CTNNA3: variants seen among roughly 807,000 people sequenced by gnomAD.
The protein encoded by CTNNA3 is catenin alpha 3.
In CTNNA3, 76 loss-of-function variants were observed where a neutral mutation model predicts 95.7. That is an observed-to-expected ratio of 0.79 (90% CI 0.66 to 0.96). CTNNA3 has a LOEUF of 0.96. Ranked by LOEUF, CTNNA3 falls within the 40% of genes least tolerant of loss-of-function variation. CTNNA3 has a pLI of 0.00. For missense variants in CTNNA3, 1,191 were observed against 1,089.8 expected, an observed-to-expected ratio of 1.09 and a Z score of -1.31; for synonymous variants, 431 against 374.4, an observed-to-expected ratio of 1.15 and a Z score of -1.74.
chr10:66,771,287 AAT>A (rs1368409020), intron 8 of CTNNA3, among the ~76,000 whole-genome samples: 8 of 152,204 alleles, frequency 5.3e-5, no homozygotes, highest in Non-Finnish European at 1.0e-4. Context: ...AGTGAAATCA[AAT>A]ATATTTTAGT....
chr10:66,035,397 CA>C (rs2079539287), intron 15 of CTNNA3, among the ~76,000 whole-genome samples: 1 of 151,838 alleles, frequency 6.6e-6, no homozygotes, highest in African/African-American at 2.4e-5. Context: ...AATAACTAAA[CA>C]AAAGTTAACA....
At chr10:66,981,008 G>T (rs1374639941) in intron 7 of CTNNA3, among the ~76,000 whole-genome samples, 6 of 152,128 alleles carry the variant, frequency 3.9e-5, no homozygotes, top group Non-Finnish European at 8.8e-5. Flanking sequence ...CCGGGTTCAA[G>T]TGATTCTCTT....
chr10:67,582,947 G>A (rs978931206), intron 3 of CTNNA3, among the ~76,000 whole-genome samples: 2 of 152,032 alleles, frequency 1.3e-5, no homozygotes, highest in African/African-American at 4.8e-5. Context: ...TTGAGCCTAT[G>A]TGTGTCTCTG....
In CTNNA3 at chr10:67,291,104, T is replaced by C. The variant is rs186975104; in HGVS notation, c.580-71234A>G. Among the ~76,000 whole-genome samples the C allele has an allele frequency of 1.2e-3, 188 of 152,248 alleles. 1 individual carries two copies. The highest frequency in any genetic ancestry group is 0.01 in the Middle Eastern group (3 of 294). Reference sequence around the variant, plus strand: ...TGGCTGTTTTTGGCTATATAATAAATTGATCCCTCCAAGTCTCAGTCTCCC... The same window carrying C: ...TGGCTGTTTTTGGCTATATAATAAACTGATCCCTCCAAGTCTCAGTCTCCC... On this transcript the variant is annotated intron_variant, in intron 5 of 17. Transcript: ENST00000433211.
At chr10:67,068,938 T>A (rs1856264260) in intron 7 of CTNNA3, among the ~76,000 whole-genome samples, 1 of 152,074 alleles carries the variant, frequency 6.6e-6, no homozygotes, top group Admixed American at 6.6e-5. Context: ...CAGGTACCTG[T>A]AATCCCAGCT....
chr10:66,347,968 G>A (rs1408698420), intron 12 of CTNNA3, among the ~76,000 whole-genome samples: 1 of 152,020 alleles, frequency 6.6e-6, no homozygotes, highest in Non-Finnish European at 1.5e-5. Flanking sequence ...ACAAACAGGA[G>A]GCAATGATAT....
At chr10:67,193,163 A>G (rs2132180994) in intron 6 of CTNNA3, among the ~76,000 whole-genome samples, 1 of 152,096 alleles carries the variant, frequency 6.6e-6, no homozygotes, top group Middle Eastern at 3.4e-3. Context: ...CAGTTATAAG[A>G]TAAATAAGTT....
intron 7 of CTNNA3, among the ~76,000 whole-genome samples, chr10:66,964,163 T>G (rs940880126): frequency 6.6e-6 from 1 of 152,126 alleles, no homozygotes; most frequent in South Asian, 2.1e-4. Context: ...CATCAATTTC[T>G]GTCCACAGTA....
chr10:67,524,856 TG>T (rs1840095164), intron 4 of CTNNA3, among the ~76,000 whole-genome samples: 1 of 152,338 alleles, frequency 6.6e-6, no homozygotes, highest in Admixed American at 6.5e-5. Flanking sequence ...AAAGTTAGGT[TG>T]AGGCCTAGGT....
At chr10:67,101,347 T>C (rs1163524133) in intron 7 of CTNNA3, among the ~76,000 whole-genome samples, 4 of 151,790 alleles carry the variant, frequency 2.6e-5, no homozygotes, top group East Asian at 1.9e-4. Flanking sequence ...TCGGAGCTAA[T>C]TGGGAAGACT....
rs764377246 is a variant in CTNNA3 at position 66,360,603 on chromosome 10, C to CTTTT, written c.1732+18548_1732+18549insAAAA. ...CCTCTAATGTATTCTTTCCTTCTTT[C>CTTTT]TTTCTTTCTTTCTTTCTTTCTTTCT... On this transcript the variant is annotated intron_variant, in intron 12 of 17. Coordinates refer to ENST00000433211, the MANE Select transcript of CTNNA3 (RefSeq NM_013266.4). Among the ~76,000 whole-genome samples the CTTTT allele has an allele frequency of 1.6e-4, 8 of 50,284 alleles. No homozygotes were observed. In the South Asian group the frequency reaches 8.6e-3, roughly 54 times the overall value. The allele number at this position is 50,284 out of a possible 152,430, so 33.0% of individuals were successfully genotyped here. A position where few individuals can be genotyped will look rare whatever the true frequency, so the allele number is the denominator to read the frequency against.
intron 9 of CTNNA3, among the ~76,000 whole-genome samples, chr10:66,681,110 G>A (rs560855024): frequency 3.3e-5 from 5 of 152,182 alleles, no homozygotes; most frequent in Non-Finnish European, 2.9e-5. Flanking sequence ...GCATTTGGAT[G>A]CATATTTATT....
intron 9 of CTNNA3, among the ~76,000 whole-genome samples, chr10:66,671,239 T>C (rs1846650459): frequency 6.6e-6 from 1 of 152,158 alleles, no homozygotes; most frequent in African/African-American, 2.4e-5. Context: ...ATTAATTGCA[T>C]TTTTATAGTT....
At chr10:67,606,120 CAA>C (rs1190379890) in intron 3 of CTNNA3, among the ~76,000 whole-genome samples, 1 of 152,090 alleles carries the variant, frequency 6.6e-6, no homozygotes, top group Admixed American at 6.5e-5. Flanking sequence ...TTAAAAATCC[CAA>C]GTCTCTTTTA....
At chr10:67,364,838 T>C (rs1843145427) in intron 5 of CTNNA3, among the ~76,000 whole-genome samples, 1 of 152,206 alleles carries the variant, frequency 6.6e-6, no homozygotes, top group African/African-American at 2.4e-5. Flanking sequence ...CCCATCAAGC[T>C]ACCACTGACT....
intron 13 of CTNNA3, among the ~76,000 whole-genome samples, chr10:66,196,774 C>T (rs1589699609): frequency 6.6e-6 from 1 of 152,106 alleles, no homozygotes; most frequent in Non-Finnish European, 1.5e-5. Context: ...GCAATGGAGG[C>T]CATACCAGGA....
At chr10:66,798,257 G>GA (rs1453440222) in intron 7 of CTNNA3, among the ~76,000 whole-genome samples, 16 of 151,818 alleles carry the variant, frequency 1.1e-4, no homozygotes, top group African/African-American at 3.4e-4. Flanking sequence ...ATTTTAAGTT[G>GA]AAAATTGATA....
chr10:66,851,759 GC>G (rs1016087514), intron 7 of CTNNA3, among the ~76,000 whole-genome samples: 14 of 152,112 alleles, frequency 9.2e-5, no homozygotes, highest in Admixed American at 7.9e-4. Context: ...GATGTCCAGT[GC>G]CATGTTTCCC....
At chr10:67,245,243 T>A (rs1307891510) in intron 5 of CTNNA3, among the ~76,000 whole-genome samples, 1 of 152,148 alleles carries the variant, frequency 6.6e-6, no homozygotes, top group Non-Finnish European at 1.5e-5. Context: ...AAGTCTTTCC[T>A]CAAAAATAAA....
Sources: allele counts gnomAD v4.1 joint callset (sites outside exome capture counted in the v4.1 genomes callset), GRCh38; gene constraint gnomAD v4.1.1; transcripts MANE v1.5; gene names NCBI Gene and HGNC (gene_info 2026-07-23, HGNC 2026-07-21).